The following CSMD1 variants were observed in gnomAD, a reference collection of about 807,000 sequenced individuals.
The protein encoded by CSMD1 is CUB and Sushi multiple domains 1.
A neutral mutation model predicts 417.5 loss-of-function variants in CSMD1; 213 were observed. That is an observed-to-expected ratio of 0.51 (90% CI 0.46 to 0.57). CSMD1 has a LOEUF of 0.57. CSMD1 is among the 20% of genes least tolerant of loss of function. The pLI is 0.00. For missense variants in CSMD1, 6,923 were observed against 4,529.7 expected, an observed-to-expected ratio of 1.53 and a Z score of -15.17; for synonymous variants, 2,862 against 1,736.8, an observed-to-expected ratio of 1.65 and a Z score of -16.11.
intron 1 of CSMD1, among the ~76,000 whole-genome samples, chr8:4,730,460 G>T (rs1426921633): frequency 3.4e-4 from 52 of 152,118 alleles, no homozygotes; most frequent in Admixed American, 3.4e-3. Context: ...AAAGAAAATG[G>T]CCAGGAGCAG....
At chr8:3,750,232 C>T (rs997579482) in intron 6 of CSMD1, among the ~76,000 whole-genome samples, 3 of 151,808 alleles carry the variant, frequency 2.0e-5, no homozygotes, top group African/African-American at 4.8e-5. Context: ...AAATGATAAA[C>T]GTGACTACAA....
rs75054296 is a variant in CSMD1, at chr8:4,343,708, G to T, written c.415+76245C>A. The stretch of plus-strand genomic sequence containing the variant: ...CTTTGCAGCTTTTTCTTTTCACCAG[G>T]GGAGCTTCGACTAGGTCCATAAGGA... On this transcript the variant is annotated intron_variant, in intron 3 of 69. Coordinates refer to ENST00000635120, the MANE Select transcript of CSMD1 (RefSeq NM_033225.6). 3.3e-3 allele frequency among the ~76,000 whole-genome samples: 506 copies of T among 152,132 alleles called. 3 individuals carry two copies. Among genetic ancestry groups the T allele is most frequent in the African/African-American group, 0.011 (473 of 41,524 alleles).
Position 3,606,078 on chromosome 8 carries a change from A to C in CSMD1, c.1097+10632T>G, listed in dbSNP as rs151224055. Among the ~76,000 whole-genome samples, 63 of 152,332 alleles carry C rather than the reference A, an allele frequency of 4.1e-4. No homozygotes were observed. In the East Asian group the frequency reaches 0.011, roughly 26 times the overall value. On this transcript the variant is annotated intron_variant, in intron 8 of 69. Transcript: ENST00000635120. The stretch of plus-strand genomic sequence containing the variant: ...TGATAGTAACATAAATACATGTATA[A>C]AACTCAAAGATGCTAGGAAACGTTG...
rs142467598 is a variant in CSMD1 at position 3,946,137 on chromosome 8, C to G, written c.818+51766G>C. Among the ~76,000 whole-genome samples the G allele has an allele frequency of 1.4e-3, 216 of 152,202 alleles. 2 individuals carry two copies. Among genetic ancestry groups the G allele is most frequent in the South Asian group, 0.013 (64 of 4,812 alleles). Reference sequence around the variant, plus strand: ...GGAACTGATTCCATGCACATGATCTCACATAATCCCAATGCACCCTTTGAA... The same window carrying G: ...GGAACTGATTCCATGCACATGATCTGACATAATCCCAATGCACCCTTTGAA... On this transcript the variant is annotated intron_variant, in intron 5 of 69. Transcript: ENST00000635120.
chr8:4,822,056 C>G lies in CSMD1; in HGVS notation c.85+172276G>C, dbSNP rs1335926326. On this transcript the variant is annotated intron_variant, in intron 1 of 69. Coordinates refer to ENST00000635120, the MANE Select transcript of CSMD1 (RefSeq NM_033225.6). ...TTATTACATTCCCTCTTTCCCTTTT[C>G]TATTCTCTTCCTTTCTTTTCGGGTT... is the stretch of plus-strand genomic sequence containing the variant. Among the ~76,000 whole-genome samples, 4 of 152,118 alleles carry G rather than the reference C, an allele frequency of 2.6e-5. No homozygotes were observed. The South Asian group carries it at 6.2e-4, about 24-fold the overall frequency.
At chr8:4,378,220 G>T (rs1009279936) in intron 3 of CSMD1, among the ~76,000 whole-genome samples, 3 of 152,196 alleles carry the variant, frequency 2.0e-5, no homozygotes, top group Non-Finnish European at 2.9e-5. Context: ...GTTATGTACT[G>T]ATGAGATTTC....
At chr8:4,887,522 T>C (rs1284884055) in intron 1 of CSMD1, among the ~76,000 whole-genome samples, 2 of 151,994 alleles carry the variant, frequency 1.3e-5, no homozygotes, top group Admixed American at 6.6e-5. Flanking sequence ...TAGTTCCTTG[T>C]TATTTTTTAC....
chr8:3,188,567 A>T (rs1796225758), intron 35 of CSMD1, among the ~76,000 whole-genome samples: 1 of 152,068 alleles, frequency 6.6e-6, no homozygotes, highest in African/African-American at 2.4e-5. Context: ...TTGGCTTCCC[A>T]AAGTGCTGGG....
intron 3 of CSMD1, among the ~76,000 whole-genome samples, chr8:4,400,563 A>G (rs1279263981): frequency 6.6e-6 from 1 of 152,228 alleles, no homozygotes; most frequent in Non-Finnish European, 1.5e-5. Flanking sequence ...GGCCAGCCAC[A>G]TCAGCCATTA....
chr8:3,534,194 C>G (rs1231819551), intron 10 of CSMD1, among the ~76,000 whole-genome samples: 1 of 152,190 alleles, frequency 6.6e-6, no homozygotes, highest in Non-Finnish European at 1.5e-5. Context: ...ATCACTTACT[C>G]ACTCCTGCAA....
intron 16 of CSMD1, among the ~76,000 whole-genome samples, chr8:3,398,801 T>C (rs939230292): frequency 6.6e-6 from 1 of 152,238 alleles, no homozygotes; most frequent in East Asian, 1.9e-4. Flanking sequence ...AATAGCCTGC[T>C]TATTTTTTAA....
At chr8:4,483,605 T>C (rs925833483) in intron 2 of CSMD1, among the ~76,000 whole-genome samples, 1 of 152,208 alleles carries the variant, frequency 6.6e-6, no homozygotes, top group African/African-American at 2.4e-5. Flanking sequence ...AATACAAGCA[T>C]AGGTGCAGCT....
At chr8:3,754,788 G>A (rs945709753) in intron 5 of CSMD1, among the ~76,000 whole-genome samples, 2 of 152,140 alleles carry the variant, frequency 1.3e-5, no homozygotes, top group Non-Finnish European at 2.9e-5. Context: ...ACCTGAAGTA[G>A]ACGCCAACAA....
At chr8:3,495,050 A>T (rs947833197) in intron 10 of CSMD1, among the ~76,000 whole-genome samples, 1 of 152,224 alleles carries the variant, frequency 6.6e-6, no homozygotes, top group Non-Finnish European at 1.5e-5. Flanking sequence ...TATAGCCATT[A>T]TAATTTATTT....
chr8:3,873,194 C>A (rs1406624445), intron 5 of CSMD1, among the ~76,000 whole-genome samples: 1 of 152,110 alleles, frequency 6.6e-6, no homozygotes, highest in Non-Finnish European at 1.5e-5. Flanking sequence ...CCAGCAATCC[C>A]TTTACTGGCT....
chr8:3,070,691 C>T (rs1393072210), intron 49 of CSMD1, among the ~76,000 whole-genome samples: 1 of 152,152 alleles, frequency 6.6e-6, no homozygotes, highest in East Asian at 1.9e-4. Flanking sequence ...AACTATTTAC[C>T]CAGTCTCTAA....
chr8:4,501,297 C>T (rs116911620), intron 2 of CSMD1, among the ~76,000 whole-genome samples: 243 of 152,190 alleles, frequency 1.6e-3, no homozygotes, highest in Middle Eastern at 3.4e-3. Flanking sequence ...TGCTTAAAAA[C>T]ATGAATGATT....
At chr8:3,163,044 G>A (rs1031811341) in intron 37 of CSMD1, among the ~76,000 whole-genome samples, 5 of 152,136 alleles carry the variant, frequency 3.3e-5, no homozygotes, top group African/African-American at 1.2e-4. Context: ...ATCAAAAATT[G>A]ATTTTGGTTT....
At chr8:3,518,912 C>A (rs1797390065) in intron 10 of CSMD1, among the ~76,000 whole-genome samples, 1 of 152,200 alleles carries the variant, frequency 6.6e-6, no homozygotes, top group African/African-American at 2.4e-5. Flanking sequence ...ATCCTGAGAG[C>A]TGTTGAATCT....
Sources: gnomAD v4.1 joint callset for allele counts (sites outside exome capture counted in the v4.1 genomes callset) on GRCh38, gnomAD v4.1.1 for gene constraint, MANE v1.5 for transcripts, NCBI Gene and HGNC (gene_info 2026-07-23, HGNC 2026-07-21) for gene names.